ST6GALNAC5: variants seen among roughly 807,000 people sequenced by gnomAD.
ST6GALNAC5 encodes ST6 N-acetylgalactosaminide alpha-2,6-sialyltransferase 5.
ST6GALNAC5 carries 27 observed loss-of-function variants against 33.6 expected under a neutral mutation model. The ratio of observed to expected loss-of-function variants is 0.80; its 90% CI spans 0.59 to 1.11. The LOEUF (loss-of-function observed/expected upper bound fraction) is 1.11, where lower values mean the gene tolerates loss of function less well. Among genes scored for constraint, ST6GALNAC5 ranks in the 50% least tolerant of loss-of-function variants. ST6GALNAC5 has a pLI of 0.00. For missense variants in ST6GALNAC5, 428 were observed against 454.0 expected (o/e 0.94, Z 0.52); for synonymous variants, 194 against 171.2 (o/e 1.13, Z -1.04).
chr1:76,988,853 G>C (rs1024518060), intron 2 of ST6GALNAC5, among the ~76,000 whole-genome samples: 3 of 151,786 alleles, frequency 2.0e-5, no homozygotes, highest in African/African-American at 7.3e-5. Flanking sequence ...CTCTTTTATT[G>C]GTTCCCACAA....
At chr1:76,957,279 C>T (rs1191142603) in intron 2 of ST6GALNAC5, among the ~76,000 whole-genome samples, 6 of 152,134 alleles carry the variant, frequency 3.9e-5, no homozygotes, top group Non-Finnish European at 8.8e-5. Flanking sequence ...TGCCGACAGT[C>T]CTTGGGTTCC....
At chr1:76,922,360 G>T (rs1647042339) in intron 2 of ST6GALNAC5, among the ~76,000 whole-genome samples, 1 of 152,122 alleles carries the variant, frequency 6.6e-6, no homozygotes. Context: ...AGAAATCAAA[G>T]ATCTGAATAA....
rs142670953 is a variant in ST6GALNAC5 at position 76,970,487 on chromosome 1, G to A, written c.262-73717G>A. 1.1e-4 allele frequency among the ~76,000 whole-genome samples: 16 copies of A among 151,978 alleles called. No individual in the cohort carries two copies. The East Asian group carries it at 1.6e-3, about 15-fold the overall frequency. On this transcript the variant is annotated intron_variant, in intron 2 of 4. Coordinates refer to ENST00000477717, the MANE Select transcript of ST6GALNAC5 (RefSeq NM_030965.3). ...GAAGATCAATTTAATGAAATAAAGC[G>A]AGAAGAGAAGTTTAGAGAAAAAAAG...
At chr1:76,906,228 G>A (rs537437601) in intron 2 of ST6GALNAC5, among the ~76,000 whole-genome samples, 56 of 152,240 alleles carry the variant, frequency 3.7e-4, no homozygotes, top group African/African-American at 1.2e-3. Context: ...AGGCCCTTTC[G>A]AGATGGAGAA....
intron 3 of ST6GALNAC5, among the ~76,000 whole-genome samples, chr1:77,045,785 A>C (rs1443296846): frequency 6.6e-6 from 1 of 152,146 alleles, no homozygotes; most frequent in African/African-American, 2.4e-5. Context: ...GGTGGGGGTG[A>C]CACAAGGTGA....
chr1:76,987,817 C>T (rs1355725666), intron 2 of ST6GALNAC5, among the ~76,000 whole-genome samples: 1 of 152,098 alleles, frequency 6.6e-6, no homozygotes, highest in Admixed American at 6.6e-5. Flanking sequence ...TTTCCTTTGT[C>T]CTGACTTTAG....
intron 2 of ST6GALNAC5, among the ~76,000 whole-genome samples, chr1:76,946,413 C>T (rs1647519249): frequency 6.6e-6 from 1 of 152,090 alleles, no homozygotes; most frequent in Non-Finnish European, 1.5e-5. Context: ...TTTAAAAGAA[C>T]TGGGGAGGTC....
intron 2 of ST6GALNAC5, among the ~76,000 whole-genome samples, chr1:76,996,941 G>T (rs182995518): frequency 1.3e-5 from 2 of 152,286 alleles, no homozygotes; most frequent in Admixed American, 1.3e-4. Context: ...TCCAGGATTT[G>T]TACCAGGATG....
intron 2 of ST6GALNAC5, among the ~76,000 whole-genome samples, chr1:77,031,504 A>G (rs1651456080): frequency 6.6e-6 from 1 of 152,186 alleles, no homozygotes; most frequent in South Asian, 2.1e-4. Context: ...TCAAATGATG[A>G]CTCATTCTGG....
intron 2 of ST6GALNAC5, among the ~76,000 whole-genome samples, chr1:76,960,717 G>T (rs1648199090): frequency 6.6e-6 from 1 of 152,164 alleles, no homozygotes; most frequent in South Asian, 2.1e-4. Flanking sequence ...CTGAGAAAAA[G>T]AATTCAACGA....
chr1:77,059,918 T>C (rs1652520818), intron 4 of ST6GALNAC5, among the ~76,000 whole-genome samples: 1 of 152,210 alleles, frequency 6.6e-6, no homozygotes, highest in South Asian at 2.1e-4. Context: ...TTATTGGTTT[T>C]ATAATCCAAT....
At chr1:77,041,238 A>G (rs1042282198) in intron 2 of ST6GALNAC5, among the ~76,000 whole-genome samples, 1 of 152,138 alleles carries the variant, frequency 6.6e-6, no homozygotes, top group East Asian at 1.9e-4. Flanking sequence ...GCTCTTCTGG[A>G]TAGGCTTAAA....
At chr1:76,974,768 T>C (rs1378820216) in intron 2 of ST6GALNAC5, among the ~76,000 whole-genome samples, 1 of 123,462 alleles carries the variant, frequency 8.1e-6, no homozygotes, top group Non-Finnish European at 1.7e-5. Context: ...GTTTTTTCTT[T>C]CTTTCTTTTT....
intron 2 of ST6GALNAC5, among the ~76,000 whole-genome samples, chr1:76,954,432 T>A (rs1449126052): frequency 6.6e-6 from 1 of 152,030 alleles, no homozygotes; most frequent in Non-Finnish European, 1.5e-5. Flanking sequence ...ATGCTGGACT[T>A]AATGCCAAGG....
intron 2 of ST6GALNAC5, among the ~76,000 whole-genome samples, chr1:76,934,936 ATTAATTGC>A (rs1315154722): frequency 6.6e-6 from 1 of 152,142 alleles, no homozygotes; most frequent in Non-Finnish European, 1.5e-5. Context: ...AGATTCACAA[ATTAATTGC>A]TTTCATGTCA....
chr1:76,988,436 C>T (rs1051367062), intron 2 of ST6GALNAC5, among the ~76,000 whole-genome samples: 14 of 151,950 alleles, frequency 9.2e-5, no homozygotes, highest in African/African-American at 3.4e-4. Context: ...TATTAGTTAT[C>T]TTTATAGTTA....
At chr1:76,867,839 C>G in intron 1 of ST6GALNAC5, 149 bp downstream of exon 1, 1 of 1,162,048 alleles carries the variant, frequency 8.6e-7, no homozygotes, top group Non-Finnish European at 1.2e-6. Flanking sequence ...GCTCCGCGTT[C>G]CCTCCCGATT....
chr1:76,868,551 C>T lies in ST6GALNAC5; in HGVS notation c.70C>T (p.Leu24=). The T allele has an allele frequency of 6.2e-7, 1 of 1,613,428 alleles. No individual in the cohort carries two copies. The highest frequency in any genetic ancestry group is 1.1e-5 in the South Asian group (1 of 91,052). ...CACCACCATGTGCACCAGCTTGTTG[C>T]TAGTGTACAGCAGCCTCGGCGGCCA... ...ALTTMCTSLL[L]VYSSLGGQKE... is the part of the protein sequence containing the mutation. The change falls in exon 2 of 5, where the codon CTA becomes TTA. Residue 24 remains leucine (L), a synonymous_variant. Transcript: ENST00000477717. This position sits in a 1 kb window ranked among gnomAD's most constrained non-coding sequence, Gnocchi z 4.3.
intron 2 of ST6GALNAC5, among the ~76,000 whole-genome samples, chr1:76,958,709 A>AG (rs1648106991): frequency 6.6e-6 from 1 of 151,958 alleles, no homozygotes; most frequent in African/African-American, 2.4e-5. Context: ...TAATTTCATG[A>AG]TCATGGTATC....
Sources: allele counts gnomAD v4.1 joint callset (sites outside exome capture counted in the v4.1 genomes callset), GRCh38; gene constraint gnomAD v4.1.1; non-coding constraint Gnocchi (gnomAD v3.1); transcripts MANE v1.5; gene names NCBI Gene and HGNC (gene_info 2026-07-23, HGNC 2026-07-21).